CACNA1C: variants seen among roughly 807,000 people sequenced by gnomAD.
CACNA1C encodes voltage-dependent L-type calcium channel subunit alpha-1C.
Under a neutral mutation model 229.0 loss-of-function variants are expected in CACNA1C, and 30 were observed. That is an observed-to-expected ratio of 0.13 (90% CI 0.10 to 0.18). The LOEUF is 0.18. CACNA1C is among the 10% of genes least tolerant of loss of function. CACNA1C has a pLI of 1.00. For missense variants in CACNA1C, 1,658 were observed against 2,845.0 expected (o/e 0.58, Z 9.49); for synonymous variants, 1,114 against 1,132.5 (o/e 0.98, Z 0.33).
In CACNA1C at chr12:2,437,860, GATGGTGGTGGTA is replaced by G. The variant is rs1281582941; in HGVS notation, c.478-11105_478-11094del. Among the ~76,000 whole-genome samples the G allele has an allele frequency of 1.2e-4, 15 of 125,986 alleles. No individual in the cohort carries two copies. In the East Asian group the frequency reaches 1.3e-3, roughly 11 times the overall value. The allele number at this position is 125,986 out of a possible 152,430, so 82.7% of individuals were successfully genotyped here. ...TAATGATGGTGGTGATGATGGTGGTGATGGTGGTGGTAATGGTGGTGGCGGTGGTGATGATGG... is the reference window on the plus strand; with the variant it reads ...TAATGATGGTGGTGATGATGGTGGTGATGGTGGTGGCGGTGGTGATGATGG... On this transcript the variant is annotated intron_variant, in intron 3 of 46. Coordinates refer to ENST00000399655, the MANE Select transcript of CACNA1C (RefSeq NM_000719.7).
chr12:2,325,611 G>A (rs992794674), intron 3 of CACNA1C, among the ~76,000 whole-genome samples: 6 of 152,362 alleles, frequency 3.9e-5, no homozygotes, highest in Admixed American at 1.3e-4. Flanking sequence ...GTGAAGTTAC[G>A]CACACAAAGT....
chr12:2,400,836 G>A (rs112150289), intron 3 of CACNA1C, among the ~76,000 whole-genome samples: 1 of 152,170 alleles, frequency 6.6e-6, no homozygotes, highest in Admixed American at 6.5e-5. Flanking sequence ...TGGTGACCAC[G>A]GAAGGAGGCA....
At chr12:2,240,666 A>G (rs1028551267) in intron 3 of CACNA1C, among the ~76,000 whole-genome samples, 6 of 152,226 alleles carry the variant, frequency 3.9e-5, no homozygotes, top group Non-Finnish European at 7.3e-5. Context: ...ACCTTGCTGC[A>G]TGGCGGATGC....
chr12:2,540,275 G>A (rs529219421), intron 9 of CACNA1C, among the ~76,000 whole-genome samples: 92 of 152,254 alleles, frequency 6.0e-4, no homozygotes, highest in African/African-American at 2.1e-3. Flanking sequence ...AAAACCCCAT[G>A]ATGATATGAA....
chr12:2,347,986 T>C (rs1593559189), intron 3 of CACNA1C, among the ~76,000 whole-genome samples: 2 of 152,188 alleles, frequency 1.3e-5, no homozygotes, highest in South Asian at 4.1e-4. Flanking sequence ...CACCGGACTG[T>C]TGGAAACAGT....
chr12:2,007,668 T>C (rs1326018177), intron 1 of CACNA1C, among the ~76,000 whole-genome samples: 3 of 152,238 alleles, frequency 2.0e-5, no homozygotes, highest in African/African-American at 7.2e-5. Flanking sequence ...GTTAATTTTT[T>C]GTGTGTTTAG....
intron 3 of CACNA1C, among the ~76,000 whole-genome samples, chr12:2,406,847 C>G (rs989355870): frequency 2.0e-5 from 3 of 152,216 alleles, no homozygotes; most frequent in Non-Finnish European, 4.4e-5. Flanking sequence ...CCAATTGGAA[C>G]CTGGATGTTC....
At chr12:2,444,936 C>T (rs1336567118) in intron 3 of CACNA1C, among the ~76,000 whole-genome samples, 1 of 152,154 alleles carries the variant, frequency 6.6e-6, no homozygotes, top group South Asian at 2.1e-4. Flanking sequence ...GATTGCAGGG[C>T]GTATCTCACC....
chr12:2,583,966 G>A (rs1448574589), intron 15 of CACNA1C, among the ~76,000 whole-genome samples: 1 of 152,172 alleles, frequency 6.6e-6, no homozygotes, highest in Non-Finnish European at 1.5e-5. Context: ...TTCTGTTGGT[G>A]GAGTGGGGAG....
At chr12:2,040,369 A>G (rs746302776) in intron 1 of CACNA1C, among the ~76,000 whole-genome samples, 1 of 152,184 alleles carries the variant, frequency 6.6e-6, no homozygotes, top group Middle Eastern at 3.2e-3. Flanking sequence ...AATGTAGCTG[A>G]TCTAACTACC....
At chr12:2,387,346 G>A (rs566999278) in intron 3 of CACNA1C, among the ~76,000 whole-genome samples, 5 of 152,248 alleles carry the variant, frequency 3.3e-5, no homozygotes, top group South Asian at 2.1e-4. Context: ...TTAGTCAGGC[G>A]TGGTGGCAGG....
At chr12:2,352,342 C>T (rs1470026426) in intron 3 of CACNA1C, among the ~76,000 whole-genome samples, 1 of 152,164 alleles carries the variant, frequency 6.6e-6, no homozygotes, top group East Asian at 1.9e-4. Flanking sequence ...AATACAGTTA[C>T]CCTGTAATTA....
intron 3 of CACNA1C, among the ~76,000 whole-genome samples, chr12:2,150,773 T>C (rs1193054656): frequency 1.3e-5 from 2 of 152,206 alleles, no homozygotes; most frequent in African/African-American, 4.8e-5. Flanking sequence ...GCTTCTCTCC[T>C]TTGAGAGGTA....
chr12:2,233,337 T>C (rs2066046454), intron 3 of CACNA1C, among the ~76,000 whole-genome samples: 2 of 152,366 alleles, frequency 1.3e-5, no homozygotes, highest in Non-Finnish European at 2.9e-5. Context: ...ACTCATTCAT[T>C]AAGTCAATAT....
chr12:1,989,973 C>T (rs1300545948), intron 1 of CACNA1C, among the ~76,000 whole-genome samples: 1 of 152,268 alleles, frequency 6.6e-6, no homozygotes. Context: ...AAAAAACTTG[C>T]TTTTTAAACC....
chr12:2,158,007 C>CA (rs917549751), intron 3 of CACNA1C, among the ~76,000 whole-genome samples: 5 of 151,980 alleles, frequency 3.3e-5, no homozygotes, highest in African/African-American at 9.6e-5. Context: ...GAAAGTAGGG[C>CA]AAAAAATCAG....
At chr12:2,578,543 G>A (rs1400094834) in intron 13 of CACNA1C, among the ~76,000 whole-genome samples, 3 of 152,144 alleles carry the variant, frequency 2.0e-5, no homozygotes, top group Non-Finnish European at 4.4e-5. Flanking sequence ...GCCCGGAGCG[G>A]GGGTCCAGGC....
At chr12:2,516,508 G>T (rs957236442) in intron 9 of CACNA1C, among the ~76,000 whole-genome samples, 2 of 152,188 alleles carry the variant, frequency 1.3e-5, no homozygotes. Flanking sequence ...CAGGGGTCCC[G>T]TCAGGTGCCT....
chr12:2,664,750 T>G, intron 34 of CACNA1C, 75 bp from the exon 35 acceptor site: 1 of 1,263,600 alleles, frequency 7.9e-7, no homozygotes, highest in Non-Finnish European at 1.1e-6. Flanking sequence ...AAGGGACAGG[T>G]GGGGAGGGAT....
Sources: gnomAD v4.1 joint callset for allele counts (sites outside exome capture counted in the v4.1 genomes callset) on GRCh38, gnomAD v4.1.1 for gene constraint, MANE v1.5 for transcripts, NCBI Gene and HGNC (gene_info 2026-07-23, HGNC 2026-07-21) for gene names.